The following NFAM1 variants were observed in gnomAD, a reference collection of about 807,000 sequenced individuals.
NFAM1 encodes NFAT activation molecule 1.
A neutral mutation model predicts 29.0 loss-of-function variants in NFAM1; 17 were observed. The ratio of observed to expected loss-of-function variants is 0.59; its 90% confidence interval spans 0.40 to 0.88. The LOEUF (loss-of-function observed/expected upper bound fraction) is 0.88, where lower values mean the gene tolerates loss of function less well. Ranked by LOEUF, NFAM1 falls within the 40% of genes least tolerant of loss-of-function variation. The probability of loss-of-function intolerance (pLI) is 0.00; values close to 1 mark genes in which losing one functional copy is unlikely to be tolerated. For missense variants in NFAM1, 324 were observed against 344.6 expected, an observed-to-expected ratio of 0.94 and a Z score of 0.47; for synonymous variants, 175 against 147.2, an observed-to-expected ratio of 1.19 and a Z score of -1.36.
At position 42,382,796 on chromosome 22, in the gene NFAM1, TCTC is replaced by T. The variant is rs374319363; in HGVS notation, c.*2362_*2364del. Reference sequence around the variant, plus strand: ...AGGGTCCCGTCCTTTCATGCTGTGCTCTCCTCCTCCTCCTCCTCCTCCCTGCCT... The same window carrying T: ...AGGGTCCCGTCCTTTCATGCTGTGCTCTCCTCCTCCTCCTCCTCCCTGCCT... On this transcript the variant is annotated 3_prime_UTR_variant, in exon 6 of 6. Transcript: ENST00000329021. The T allele has an allele frequency of 5.3e-4, 82 of 153,978 alleles. No individual in the cohort carries two copies. The highest frequency in any genetic ancestry group is 2.7e-3 in the East Asian group (14 of 5,200). 9.5% of individuals were successfully genotyped at this position (153,978 alleles called of 1,614,324 possible). A position where few individuals can be genotyped will look rare whatever the true frequency, so the allele number is the denominator to read the frequency against.
At chr22:42,397,129 G>A (rs1208864384) in intron 4 of NFAM1, among the ~76,000 whole-genome samples, 1 of 152,228 alleles carries the variant, frequency 6.6e-6, no homozygotes, top group Non-Finnish European at 1.5e-5. Context: ...GGAGCCGAAA[G>A]GAACGTAGCA....
chr22:42,417,788 G>A (rs542229320), intron 1 of NFAM1, among the ~76,000 whole-genome samples: 182 of 152,264 alleles, frequency 1.2e-3, no homozygotes, highest in African/African-American at 4.3e-3. Context: ...CCATAGTGAG[G>A]ACCATGGGGG....
At chr22:42,390,953 G>C (rs1434811274) in intron 4 of NFAM1, among the ~76,000 whole-genome samples, 1 of 152,116 alleles carries the variant, frequency 6.6e-6, no homozygotes, top group Non-Finnish European at 1.5e-5. Flanking sequence ...CTGCAGGACC[G>C]TGGCGGTCGT....
chr22:42,399,588 G>A (rs1412513344), intron 3 of NFAM1, among the ~76,000 whole-genome samples: 1 of 152,156 alleles, frequency 6.6e-6, no homozygotes, highest in East Asian at 1.9e-4. Flanking sequence ...AACATCTGAG[G>A]GCTCGAAGTG....
At chr22:42,437,341 C>T (rs1438877238), upstream of NFAM1, among the ~76,000 whole-genome samples, 1 of 152,042 alleles carries the variant, frequency 6.6e-6, no homozygotes, top group East Asian at 1.9e-4. Context: ...CGGGGTTTTA[C>T]CATGTTGGCC....
At position 42,394,288 on chromosome 22, in the gene NFAM1, T is replaced by C. The variant is rs1264195391; in HGVS notation, c.663+3570A>G. ...CCCCACCTCAGGTGATCCACCAGCC[T>C]CTGCCTCCCAAAGTGCTGGGATTAC... On this transcript the variant is annotated intron_variant, in intron 4 of 5. Transcript: ENST00000329021. 2.0e-5 allele frequency among the ~76,000 whole-genome samples: 3 copies of C among 152,192 alleles called. No homozygotes were observed. The East Asian group carries it at 5.8e-4, about 29-fold the overall frequency.
intron 4 of NFAM1, among the ~76,000 whole-genome samples, chr22:42,391,560 GA>G (rs1601735354): frequency 6.6e-6 from 1 of 152,236 alleles, no homozygotes; most frequent in East Asian, 1.9e-4. Context: ...CACAGATGGA[GA>G]GAACAACTTC....
chr22:42,397,442 C>G (rs551113742), intron 4 of NFAM1, among the ~76,000 whole-genome samples: 1 of 152,066 alleles, frequency 6.6e-6, no homozygotes, highest in Non-Finnish European at 1.5e-5. Flanking sequence ...GTGTTAAGGG[C>G]GTGGGATGGC....
chr22:42,432,927 A>G (rs1930855592), upstream of NFAM1, among the ~76,000 whole-genome samples: 1 of 152,062 alleles, frequency 6.6e-6, no homozygotes, highest in Non-Finnish European at 1.5e-5. Flanking sequence ...CAGGCTGCCC[A>G]TCATTCACCC....
chr22:42,422,250 C>T (rs1314734169), intron 1 of NFAM1, among the ~76,000 whole-genome samples: 1 of 152,116 alleles, frequency 6.6e-6, no homozygotes, highest in African/African-American at 2.4e-5. Context: ...AGGTTTGAAT[C>T]GGGAATAAGC....
chr22:42,427,330 G>A (rs1446119043), intron 1 of NFAM1, among the ~76,000 whole-genome samples: 1 of 151,968 alleles, frequency 6.6e-6, no homozygotes, highest in Non-Finnish European at 1.5e-5. Flanking sequence ...CTGGAGAGGA[G>A]CCAGGGCTCA....
chr22:42,434,175 G>A (rs1930885088), upstream of NFAM1, among the ~76,000 whole-genome samples: 1 of 152,166 alleles, frequency 6.6e-6, no homozygotes, highest in Non-Finnish European at 1.5e-5. Flanking sequence ...CTGCACACCT[G>A]GTTTCCACGC....
upstream of NFAM1, among the ~76,000 whole-genome samples, chr22:42,435,567 G>A (rs927337880): frequency 2.0e-5 from 3 of 151,770 alleles, no homozygotes; most frequent in Non-Finnish European, 4.4e-5. Context: ...GGCTGGTCTC[G>A]AACTCCCAAC....
intron 3 of NFAM1, among the ~76,000 whole-genome samples, chr22:42,407,646 T>G (rs1019140733): frequency 2.0e-5 from 3 of 152,156 alleles, no homozygotes; most frequent in Admixed American, 1.3e-4. Flanking sequence ...TGGAGTGCAG[T>G]GGTGTGATCA....
At chr22:42,398,194 G>A (rs1019881010) in intron 3 of NFAM1, among the ~76,000 whole-genome samples, 16 of 152,152 alleles carry the variant, frequency 1.1e-4, no homozygotes, top group African/African-American at 3.9e-4. Flanking sequence ...GATGTCCCTG[G>A]ACAGAGCACC....
intron 4 of NFAM1, among the ~76,000 whole-genome samples, chr22:42,395,543 A>C (rs930251634): frequency 6.6e-6 from 1 of 151,576 alleles, no homozygotes; most frequent in Admixed American, 6.6e-5. Context: ...GAAAGGAAAA[A>C]GTAAAACTTG....
intron 1 of NFAM1, among the ~76,000 whole-genome samples, chr22:42,429,511 G>A (rs1158900521): frequency 1.3e-5 from 2 of 152,196 alleles, no homozygotes; most frequent in Admixed American, 6.5e-5. Context: ...AGCTACTCAG[G>A]AGGCTGAGGC....
rs1930838118 is a variant in NFAM1 at position 42,432,347 on chromosome 22, T to C, written c.11A>G (p.Gln4Arg). ...TGGCAGGGCCCGCCACCTCACAGGC[T>C]GGTTCTCCATCTGGGGGCCTGCTTG... MENQPVRWRALPGL... is the reference protein window; with the variant it reads MENRPVRWRALPGL... Residue 4 changes from glutamine (Q) to arginine (R), a missense_variant, in exon 1 of 6, where the codon CAG (glutamine) becomes CGG (arginine). Coordinates refer to ENST00000329021, the MANE Select transcript of NFAM1 (RefSeq NM_145912.8). 2 of 1,576,950 alleles carry C rather than the reference T, an allele frequency of 1.3e-6. No individual in the cohort carries two copies. The highest frequency in any genetic ancestry group is 8.6e-7 in the Non-Finnish European group (1 of 1,162,456).
chr22:42,422,878 G>T (rs566350301), intron 1 of NFAM1, among the ~76,000 whole-genome samples: 3 of 152,228 alleles, frequency 2.0e-5, no homozygotes, highest in Admixed American at 6.5e-5. Flanking sequence ...ACTTTGGGAG[G>T]CCGAGGCGGG....
Sources: gnomAD v4.1 joint callset for allele counts (sites outside exome capture counted in the v4.1 genomes callset) on GRCh38, gnomAD v4.1.1 for gene constraint, MANE v1.5 for transcripts, NCBI Gene and HGNC (gene_info 2026-07-23, HGNC 2026-07-21) for gene names.